Variants in TPRG1 observed in about 807,000 individuals in gnomAD.
The protein encoded by TPRG1 is tumor protein p63 regulated 1.
Under a neutral mutation model 29.3 loss-of-function variants are expected in TPRG1, and 29 were observed. The observed-to-expected ratio is 0.99, with a 90% CI of 0.74 to 1.35. The LOEUF is 1.35. Among genes scored for constraint, TPRG1 ranks in the 40% most tolerant of loss-of-function variants. The pLI is 0.00. For missense variants in TPRG1, 327 were observed against 335.0 expected (o/e 0.98, Z 0.19); for synonymous variants, 130 against 116.8 (o/e 1.11, Z -0.73).
At chr3:189,255,709 T>C (rs937660266) in intron 4 of TPRG1, among the ~76,000 whole-genome samples, 2 of 152,248 alleles carry the variant, frequency 1.3e-5, no homozygotes, top group African/African-American at 4.8e-5. Flanking sequence ...GAACTTGTTA[T>C]TGGTCTATTC....
chr3:189,121,294 C>T (rs937830936), intron 1 of TPRG1: 8 of 152,118 alleles, frequency 5.3e-5, no homozygotes, highest in South Asian at 2.1e-4. Flanking sequence ...CTGGATACTC[C>T]GGAAGACAAT....
At chr3:189,320,077 A>G (rs1031871470) in intron 5 of TPRG1, among the ~76,000 whole-genome samples, 1 of 152,038 alleles carries the variant, frequency 6.6e-6, no homozygotes, top group African/African-American at 2.4e-5. Context: ...TTCCTTCTAG[A>G]ATTTATCACC....
At chr3:189,154,771 T>C (rs1468701185) in intron 5 of TPRG1, among the ~76,000 whole-genome samples, 2 of 152,030 alleles carry the variant, frequency 1.3e-5, no homozygotes, top group African/African-American at 4.8e-5. Context: ...GTGGTGTGTG[T>C]TGGGGGAGAG....
intron 4 of TPRG1, among the ~76,000 whole-genome samples, chr3:189,057,126 A>T (rs1225994601): frequency 6.6e-6 from 1 of 152,174 alleles, no homozygotes; most frequent in African/African-American, 2.4e-5. Flanking sequence ...AGTTTCTGGG[A>T]ACACAGCACA....
At chr3:189,316,651 A>G (rs939515764) in intron 5 of TPRG1, among the ~76,000 whole-genome samples, 65 of 152,230 alleles carry the variant, frequency 4.3e-4, no homozygotes, top group African/African-American at 1.5e-3. Flanking sequence ...GAATAATACG[A>G]TGTCCCCCCT....
chr3:189,216,309 G>A (rs1386916181), intron 3 of TPRG1, among the ~76,000 whole-genome samples: 1 of 151,952 alleles, frequency 6.6e-6, no homozygotes, highest in East Asian at 1.9e-4. Context: ...TTAACTGCTG[G>A]GCAGGATGTC....
intron 5 of TPRG1, 68 bp from the exon 6 acceptor site, chr3:189,320,558 G>A: frequency 1.4e-6 from 2 of 1,382,234 alleles, no homozygotes; most frequent in Non-Finnish European, 2.0e-6. Context: ...AAGACTGGCT[G>A]GGGAGATGAG....
At chr3:189,229,831 G>A (rs532168942) in intron 3 of TPRG1, among the ~76,000 whole-genome samples, 1 of 152,192 alleles carries the variant, frequency 6.6e-6, no homozygotes. Flanking sequence ...TCTTGGGTTT[G>A]CCTGATCTGG....
At chr3:189,013,635 T>C (rs989491509) in intron 3 of TPRG1, among the ~76,000 whole-genome samples, 4 of 152,174 alleles carry the variant, frequency 2.6e-5, no homozygotes, top group African/African-American at 9.7e-5. Context: ...AGTATCCCAC[T>C]ATTATTGTGT....
At chr3:189,190,496 A>G (rs1731529118) in intron 1 of TPRG1, among the ~76,000 whole-genome samples, 1 of 152,094 alleles carries the variant, frequency 6.6e-6, no homozygotes, top group African/African-American at 2.4e-5. Context: ...TTTCCCTCAA[A>G]TCTCTGGGCA....
At chr3:189,175,196 C>T (rs78069157) in intron 1 of TPRG1, among the ~76,000 whole-genome samples, 3,193 of 152,078 alleles carry the variant, frequency 0.021, 51 homozygotes, top group Non-Finnish European at 0.032. Flanking sequence ...TGAGGTCTCA[C>T]GAAGAAGAGA....
intron 1 of TPRG1, among the ~76,000 whole-genome samples, chr3:189,123,317 G>T (rs896897561): frequency 4.6e-5 from 7 of 152,126 alleles, no homozygotes; most frequent in Non-Finnish European, 1.0e-4. Context: ...ATTTATGATT[G>T]GTCTGTTACA....
At chr3:189,010,634 T>C (rs554995077) in intron 3 of TPRG1, among the ~76,000 whole-genome samples, 1 of 152,220 alleles carries the variant, frequency 6.6e-6, no homozygotes. Context: ...GGGTTGTTTT[T>C]CTTTTGTAAA....
intron 4 of TPRG1, among the ~76,000 whole-genome samples, chr3:189,093,368 C>T (rs2152181958): frequency 6.6e-6 from 1 of 152,290 alleles, no homozygotes; most frequent in South Asian, 2.1e-4. Flanking sequence ...AGACACAGCC[C>T]TGGCTGTGGT....
chr3:189,317,435 G>A (rs943570072), intron 5 of TPRG1, among the ~76,000 whole-genome samples: 8 of 152,076 alleles, frequency 5.3e-5, no homozygotes. Flanking sequence ...TATAATATGT[G>A]AGCACACAAG....
chr3:189,267,957 G>A (rs531720709), intron 4 of TPRG1, among the ~76,000 whole-genome samples: 3 of 152,178 alleles, frequency 2.0e-5, no homozygotes, highest in Non-Finnish European at 2.9e-5. Flanking sequence ...GGTAAAAGGT[G>A]TTGGATGCCT....
intron 4 of TPRG1, among the ~76,000 whole-genome samples, chr3:189,048,557 A>C (rs1715110124): frequency 6.6e-6 from 1 of 152,166 alleles, no homozygotes; most frequent in Non-Finnish European, 1.5e-5. Flanking sequence ...CCTCTTAGAA[A>C]GTCCTAGTTG....
In TPRG1 at chr3:189,049,877, A is replaced by T. The variant is rs150584055; in HGVS notation, c.-463+25931A>T. Among the ~76,000 whole-genome samples, 1,110 of 152,304 alleles carry T rather than the reference A, an allele frequency of 7.3e-3. 15 individuals carry two copies. The highest frequency in any genetic ancestry group is 0.025 in the African/African-American group (1,033 of 41,560). Reference sequence around the variant, plus strand: ...AGGATGGAAATTTAAAAAATCTTTGAACTGAATGACAATAATGACACAACC... The same window carrying T: ...AGGATGGAAATTTAAAAAATCTTTGTACTGAATGACAATAATGACACAACC... On this transcript the variant is annotated intron_variant, in intron 4 of 10. Transcript: ENST00000433971.
chr3:189,127,495 G>A (rs902715164), intron 2 of TPRG1, among the ~76,000 whole-genome samples: 11 of 152,182 alleles, frequency 7.2e-5, no homozygotes, highest in African/African-American at 2.4e-4. Context: ...TGGTCAATGG[G>A]CCTCTCAACT....
Sources: allele counts gnomAD v4.1 joint callset (sites outside exome capture counted in the v4.1 genomes callset), GRCh38; gene constraint gnomAD v4.1.1; transcripts MANE v1.5; gene names NCBI Gene and HGNC (gene_info 2026-07-23, HGNC 2026-07-21).